Variants in PLEKHF2 observed in about 807,000 individuals in gnomAD.
PLEKHF2 encodes the protein pleckstrin homology and FYVE domain containing 2, also known as pleckstrin homology domain-containing family F member 2.
PLEKHF2 carries 4 observed loss-of-function variants against 14.7 expected under a neutral mutation model. That is an observed-to-expected ratio of 0.27 (90% CI 0.13 to 0.62). The LOEUF (loss-of-function observed/expected upper bound fraction) is 0.62. Among genes scored for constraint, PLEKHF2 ranks in the 20% least tolerant of loss-of-function variants. PLEKHF2 has a pLI of 0.85. For synonymous variants in PLEKHF2, 90 were observed against 103.5 expected (o/e 0.87, Z 0.79); for missense variants, 201 against 307.7 (o/e 0.65, Z 2.60).
intron 1 of PLEKHF2, among the ~76,000 whole-genome samples, chr8:95,138,423 A>G (rs1373919996): frequency 1.6e-5 from 2 of 127,562 alleles, no homozygotes; most frequent in Admixed American, 1.1e-4. Flanking sequence ...CATTTAAACA[A>G]CAGTTGGGGA....
chr8:95,149,319 A>G (rs915004163), intron 1 of PLEKHF2, among the ~76,000 whole-genome samples: 11 of 152,096 alleles, frequency 7.2e-5, no homozygotes, highest in Admixed American at 6.6e-4. Flanking sequence ...TTTCCCCTGT[A>G]TCTTGACAAC....
intron 1 of PLEKHF2, among the ~76,000 whole-genome samples, chr8:95,136,586 T>C (rs1013100343): frequency 7.9e-5 from 12 of 152,234 alleles, no homozygotes; most frequent in African/African-American, 2.9e-4. Context: ...GGAAATATTG[T>C]TAATGCTTGA....
rs1319544308 is a variant in PLEKHF2 at position 95,155,661 on chromosome 8, A to C, written c.*867A>C. 1 of 167,032 alleles carries C rather than the reference A, an allele frequency of 6.0e-6. No homozygotes were observed. Among genetic ancestry groups the C allele is most frequent in the Non-Finnish European group, 1.5e-5 (1 of 68,074 alleles). 10.3% of individuals were successfully genotyped at this position (167,032 alleles called of 1,614,324 possible). On this transcript the variant is annotated 3_prime_UTR_variant, in exon 2 of 2. Coordinates refer to ENST00000315367, the MANE Select transcript of PLEKHF2 (RefSeq NM_024613.4). ...TAGTAAGACATATTTTTTAGGTATAAATTCTTATGCTTTAACATTATTTCT... is the reference window on the plus strand; with the variant it reads ...TAGTAAGACATATTTTTTAGGTATACATTCTTATGCTTTAACATTATTTCT...
chr8:95,136,652 C>T (rs552850388), intron 1 of PLEKHF2, among the ~76,000 whole-genome samples: 4 of 152,290 alleles, frequency 2.6e-5, no homozygotes, highest in East Asian at 1.9e-4. Flanking sequence ...CTCATTATAG[C>T]TCTATCAATT....
intron 1 of PLEKHF2, among the ~76,000 whole-genome samples, chr8:95,147,590 A>G (rs1247400126): frequency 3.9e-5 from 6 of 151,982 alleles, no homozygotes; most frequent in Non-Finnish European, 7.4e-5. Context: ...TGCTTTTCCT[A>G]TATCTTGAAG....
At chr8:95,139,707 C>T (rs149126768) in intron 1 of PLEKHF2, among the ~76,000 whole-genome samples, 1 of 152,050 alleles carries the variant, frequency 6.6e-6, no homozygotes, top group African/African-American at 2.4e-5. Flanking sequence ...TTTTATGTGC[C>T]ACACCCCCTC....
chr8:95,135,307 C>A (rs1435109008), intron 1 of PLEKHF2, among the ~76,000 whole-genome samples: 1 of 152,150 alleles, frequency 6.6e-6, no homozygotes, highest in African/African-American at 2.4e-5. Context: ...GCCCTAAAAC[C>A]CCAAATTCTT....
intron 1 of PLEKHF2, among the ~76,000 whole-genome samples, chr8:95,147,069 A>T (rs1265291224): frequency 1.3e-5 from 2 of 152,090 alleles, no homozygotes; most frequent in Admixed American, 1.3e-4. Context: ...CCTTGGGAGG[A>T]GATAACTATC....
intron 1 of PLEKHF2, among the ~76,000 whole-genome samples, chr8:95,146,989 G>A (rs1376334374): frequency 6.6e-6 from 1 of 152,018 alleles, no homozygotes; most frequent in Non-Finnish European, 1.5e-5. Context: ...AAATCTGGGA[G>A]CCTATTTAAA....
At chr8:95,139,572 G>A (rs1279355279) in intron 1 of PLEKHF2, among the ~76,000 whole-genome samples, 2 of 151,574 alleles carry the variant, frequency 1.3e-5, no homozygotes, top group Non-Finnish European at 2.9e-5. Context: ...CAATTATGAA[G>A]TTTTAAAAGT....
chr8:95,135,033 G>C (rs1371820341), intron 1 of PLEKHF2, among the ~76,000 whole-genome samples: 1 of 152,080 alleles, frequency 6.6e-6, no homozygotes, highest in Non-Finnish European at 1.5e-5. Context: ...CTGGCAGCTC[G>C]TGGGGTCTTC....
At chr8:95,150,619 A>C (rs1810547584) in intron 1 of PLEKHF2, among the ~76,000 whole-genome samples, 1 of 152,164 alleles carries the variant, frequency 6.6e-6, no homozygotes, top group South Asian at 2.1e-4. Flanking sequence ...TTTATGAACA[A>C]AGATTTAGAC....
At chr8:95,140,360 C>G (rs1810427701) in intron 1 of PLEKHF2, among the ~76,000 whole-genome samples, 1 of 152,220 alleles carries the variant, frequency 6.6e-6, no homozygotes, top group Admixed American at 6.5e-5. Flanking sequence ...CCTCATATGA[C>G]TGGTTTCTTT....
chr8:95,153,708 G>T (rs1396957088), intron 1 of PLEKHF2, among the ~76,000 whole-genome samples: 5 of 152,112 alleles, frequency 3.3e-5, no homozygotes, highest in East Asian at 1.9e-4. Flanking sequence ...ATTGAATGGG[G>T]TTTATTATTT....
In PLEKHF2 at chr8:95,156,074, C is replaced by G. The variant is rs1810615450; in HGVS notation, c.*1280C>G. ...ATTTATTTTGAGAAGTAATTGTTCA[C>G]TCTTTACTTTTGAGGCAGCCATTAG... is the stretch of plus-strand genomic sequence containing the variant. On this transcript the variant is annotated 3_prime_UTR_variant, in exon 2 of 2. Transcript: ENST00000315367. The G allele has an allele frequency of 1.2e-5, 2 of 166,982 alleles. No individual in the cohort carries two copies. The highest frequency in any genetic ancestry group is 2.9e-5 in the Non-Finnish European group (2 of 68,076). 10.3% of individuals were successfully genotyped at this position (166,982 alleles called of 1,614,324 possible).
chr8:95,142,775 A>C (rs1810452566), intron 1 of PLEKHF2, among the ~76,000 whole-genome samples: 1 of 152,202 alleles, frequency 6.6e-6, no homozygotes, highest in Non-Finnish European at 1.5e-5. Flanking sequence ...TTTTTTAAAA[A>C]ACAGGATCTG....
intron 1 of PLEKHF2, among the ~76,000 whole-genome samples, chr8:95,151,327 G>A (rs1248225279): frequency 6.6e-6 from 1 of 152,022 alleles, no homozygotes; most frequent in Non-Finnish European, 1.5e-5. Flanking sequence ...GGTGGACTCA[G>A]TAGTTGATTC....
chr8:95,139,695 CT>C (rs1810419387), intron 1 of PLEKHF2, among the ~76,000 whole-genome samples: 1 of 151,976 alleles, frequency 6.6e-6, no homozygotes, highest in South Asian at 2.1e-4. Flanking sequence ...AGAGGGAAAA[CT>C]TTTTATGTGC....
chr8:95,136,094 G>T (rs1240119250), intron 1 of PLEKHF2, among the ~76,000 whole-genome samples: 1 of 152,096 alleles, frequency 6.6e-6, no homozygotes, highest in Admixed American at 6.5e-5. Context: ...CTCCTTGACA[G>T]CAGGCAACAC....
Sources: gnomAD v4.1 joint callset for allele counts (sites outside exome capture counted in the v4.1 genomes callset) on GRCh38, gnomAD v4.1.1 for gene constraint, MANE v1.5 for transcripts, NCBI Gene and HGNC (gene_info 2026-07-23, HGNC 2026-07-21) for gene names.